ATP9B: variants seen among roughly 807,000 people sequenced by gnomAD.
ATP9B encodes probable phospholipid-transporting ATPase IIB.
Under a neutral mutation model 146.1 loss-of-function variants are expected in ATP9B, and 110 were observed. That is an observed-to-expected ratio of 0.75 (90% CI 0.65 to 0.88). The LOEUF is 0.88. ATP9B is among the 40% of genes least tolerant of loss of function. The pLI is 0.00. For missense variants in ATP9B, 1,499 were observed against 1,496.4 expected (o/e 1.00, Z -0.03); for synonymous variants, 604 against 569.7 (o/e 1.06, Z -0.86).
chr18:79,284,675 G>A (rs1047022407), intron 13 of ATP9B, among the ~76,000 whole-genome samples: 4 of 143,584 alleles, frequency 2.8e-5, no homozygotes, highest in African/African-American at 1.1e-4. Context: ...ACAATGTGCA[G>A]GTTAGTTACA....
chr18:79,348,110 C>G, intron 24 of ATP9B, 22 bp from the exon 25 acceptor site: 1 of 1,613,792 alleles, frequency 6.2e-7, no homozygotes, highest in Non-Finnish European at 8.5e-7. Context: ...CAGTTGTCTT[C>G]GTCTGTGGGC....
At chr18:79,343,954 A>C (rs2096872352) in intron 20 of ATP9B, 1 of 433,614 alleles carries the variant, frequency 2.3e-6, no homozygotes, top group African/African-American at 2.0e-5. Flanking sequence ...GAAGGTAATT[A>C]TTAACTCATA....
chr18:79,149,887 C>CTCAAGAGATCAAGACCA (rs1555709008), intron 6 of ATP9B, among the ~76,000 whole-genome samples: 68 of 152,166 alleles, frequency 4.5e-4, no homozygotes, highest in Admixed American at 2.4e-3. Context: ...TCAAGACCAT[C>CTCAAGAGATCAAGACCA]TTCGCCAACA....
chr18:79,323,303 T>C (rs1456798576), intron 15 of ATP9B, among the ~76,000 whole-genome samples: 1 of 152,218 alleles, frequency 6.6e-6, no homozygotes, highest in Admixed American at 6.5e-5. Context: ...TGCAGTTCCA[T>C]TCTTAGTTAT....
chr18:79,073,188 G>A (rs916691484), intron 1 of ATP9B, among the ~76,000 whole-genome samples: 1 of 152,222 alleles, frequency 6.6e-6, no homozygotes, highest in Non-Finnish European at 1.5e-5. Flanking sequence ...CAGACAATGG[G>A]TGGCCAGGCA....
chr18:79,329,020 C>T lies in ATP9B; in HGVS notation c.1774-121C>T, dbSNP rs888840422. ...AGCCGTGAAAACAAAAAGTTCTGAACACCTAAGTTCTTCTGCAGCTGTCTC... is the reference window on the plus strand; with the variant it reads ...AGCCGTGAAAACAAAAAGTTCTGAATACCTAAGTTCTTCTGCAGCTGTCTC... On this transcript the variant is annotated intron_variant, in intron 15 of 29. Transcript: ENST00000426216. The T allele has an allele frequency of 3.8e-6, 4 of 1,065,854 alleles. No homozygotes were observed. In the Middle Eastern group the frequency reaches 9.8e-4, roughly 261 times the overall value. The allele number at this position is 1,065,854 out of a possible 1,614,324, so 66.0% of individuals were successfully genotyped here.
chr18:79,339,497 T>C (rs2096846503), intron 19 of ATP9B, among the ~76,000 whole-genome samples: 1 of 151,562 alleles, frequency 6.6e-6, no homozygotes, highest in Non-Finnish European at 1.5e-5. Flanking sequence ...CAGTAGGAAG[T>C]GTCATGATCG....
At chr18:79,126,440 TAACAA>T (rs2094288588) in intron 5 of ATP9B, 65 bp downstream of exon 5, 4 of 1,081,582 alleles carry the variant, frequency 3.7e-6, no homozygotes, top group Non-Finnish European at 5.4e-6. Context: ...AGAGTTAACA[TAACAA>T]ATGTATGAAA....
chr18:79,177,490 T>A (rs9955625), intron 8 of ATP9B, among the ~76,000 whole-genome samples: 87,448 of 151,606 alleles, frequency 0.58, 26,832 homozygotes, highest in African/African-American at 0.8. Flanking sequence ...CAGTCCTCTC[T>A]CCTTGGTCTT....
chr18:79,210,368 G>A (rs2095573007), intron 10 of ATP9B, among the ~76,000 whole-genome samples: 1 of 152,194 alleles, frequency 6.6e-6, no homozygotes, highest in Non-Finnish European at 1.5e-5. Context: ...CCACGCCTGG[G>A]TGCGGGTCTC....
rs542804493 is a variant in ATP9B, at chr18:79,277,132, C to A, written c.1347C>A (p.Val449=). Residue 449 remains valine, a synonymous_variant, in exon 13 of 30, where the codon GTC becomes GTA. Coordinates refer to ENST00000426216, the MANE Select transcript of ATP9B (RefSeq NM_198531.5). ...AAGATGAGAACATCCCTGGCACGGT[C>A]GTTCGGACCAGCACTATCCCAGAGG... ...MMKDENIPGT[V]VRTSTIPEEL... 1.9e-6 allele frequency: 3 copies of A among 1,614,172 alleles called. No individual in the cohort carries two copies. Among genetic ancestry groups the A allele is most frequent in the Non-Finnish European group, 2.5e-6 (3 of 1,180,024 alleles).
intron 7 of ATP9B, among the ~76,000 whole-genome samples, chr18:79,162,566 GCTGT>G (rs2147763073): frequency 6.6e-6 from 1 of 152,308 alleles, no homozygotes; most frequent in African/African-American, 2.4e-5. Context: ...TAGTACCTCA[GCTGT>G]CTGTCACTTG....
Position 79,368,230 on chromosome 18 carries a change from A to AT in ATP9B, c.3013-4591dup, listed in dbSNP as rs527367216. On this transcript the variant is annotated intron_variant, in intron 26 of 29. Transcript: ENST00000426216. ...GGAGTCAGAGCCAAGAAAGTCTTCA[A>AT]TTTTCCTAGGATAGATGAACAGAAT... Among the ~76,000 whole-genome samples the AT allele has an allele frequency of 1.8e-4, 28 of 152,336 alleles. No homozygotes were observed. The East Asian group carries it at 4.8e-3, about 26-fold the overall frequency.
At position 79,176,908 on chromosome 18, in the gene ATP9B, G is replaced by C. The variant is rs771760466; in HGVS notation, c.873+1G>C. On this transcript the variant is annotated splice_donor_variant, in intron 8 of 29. Coordinates refer to ENST00000426216, the MANE Select transcript of ATP9B (RefSeq NM_198531.5). LOFTEE classifies it high-confidence loss of function. Reference sequence around the variant, plus strand: ...CACGCAACAGCTGCCGGCTCTGGGGGTGAGCAGCACCAAGACTACTCCATC... The same window carrying C: ...CACGCAACAGCTGCCGGCTCTGGGGCTGAGCAGCACCAAGACTACTCCATC... The C allele has an allele frequency of 1.9e-6, 3 of 1,613,668 alleles. No homozygotes were observed. The highest frequency in any genetic ancestry group is 2.5e-6 in the Non-Finnish European group (3 of 1,179,660).
chr18:79,111,477 G>A (rs669054), intron 3 of ATP9B, among the ~76,000 whole-genome samples: 9,235 of 151,064 alleles, frequency 0.061, 364 homozygotes, highest in Non-Finnish European at 0.092. Context: ...AAAACTAATG[G>A]CTTCATAATT....
intron 29 of ATP9B, 24 bp downstream of exon 29, chr18:79,375,450 CA>C: frequency 6.2e-7 from 1 of 1,609,744 alleles, no homozygotes; most frequent in Non-Finnish European, 8.5e-7. Flanking sequence ...TCATTTCTTT[CA>C]AAAGTGTAGA....
chr18:79,325,774 C>T (rs1355398739), intron 15 of ATP9B, among the ~76,000 whole-genome samples: 4 of 152,210 alleles, frequency 2.6e-5, no homozygotes, highest in African/African-American at 9.7e-5. Context: ...CGGCACTCCC[C>T]ACTTGCACGC....
intron 8 of ATP9B, 57 bp from the exon 9 acceptor site, chr18:79,193,126 C>T (rs2095384224): frequency 1.6e-6 from 2 of 1,279,578 alleles, no homozygotes; most frequent in South Asian, 1.3e-5. Flanking sequence ...TGAGAAATTT[C>T]CAAGTAATTT....
chr18:79,112,387 T>G (rs1465575189), intron 3 of ATP9B, among the ~76,000 whole-genome samples: 1 of 152,216 alleles, frequency 6.6e-6, no homozygotes, highest in Non-Finnish European at 1.5e-5. Flanking sequence ...GTTTGTAAAT[T>G]GAGATCTATT....
Sources: allele counts gnomAD v4.1 joint callset (sites outside exome capture counted in the v4.1 genomes callset), GRCh38; gene constraint gnomAD v4.1.1; transcripts MANE v1.5; gene names NCBI Gene and HGNC (gene_info 2026-07-23, HGNC 2026-07-21).